C8orf89: variants seen among roughly 807,000 people sequenced by gnomAD.
C8orf89 encodes chromosome 8 open reading frame 89.
C8orf89 carries 14 observed loss-of-function variants against 15.8 expected under a neutral mutation model. The observed-to-expected ratio is 0.89, with a 90% CI of 0.59 to 1.39. The LOEUF is 1.39. Ranked by LOEUF, C8orf89 falls within the 40% of genes most tolerant of loss-of-function variation. The probability of loss-of-function intolerance (pLI) is 0.00; values close to 1 mark genes in which losing one functional copy is unlikely to be tolerated. For synonymous variants in C8orf89, 55 were observed against 62.2 expected (o/e 0.88, Z 0.54); for missense variants, 181 against 184.5 (o/e 0.98, Z 0.11).
At position 73,259,322 on chromosome 8, in the gene C8orf89, A is replaced by G. The variant is rs1380247955; in HGVS notation, c.127+10T>C. On this transcript the variant is annotated intron_variant, in intron 1 of 3. Coordinates refer to ENST00000624510, the MANE Select transcript of C8orf89 (RefSeq NM_001243237.3). ...TGTTTTCTTAAGGAAAATAATAACA[A>G]TAAAGTTACCTTTCTTAATCTTTTG... 3.1e-5 allele frequency: 46 copies of G among 1,472,266 alleles called. No individual in the cohort carries two copies. The highest frequency in any genetic ancestry group is 1.1e-4 in the Admixed American group (5 of 46,900). The allele number at this position is 1,472,266 out of a possible 1,614,324, so 91.2% of individuals were successfully genotyped here.
At chr8:73,272,817 A>T in the C8orf89 span, among the ~76,000 whole-genome samples, 2 of 152,154 alleles carry the variant, frequency 1.3e-5, no homozygotes, top group Non-Finnish European at 2.9e-5. Flanking sequence ...AATTTTTGTA[A>T]AGTGTAAATA....
the C8orf89 span, among the ~76,000 whole-genome samples, chr8:73,284,514 G>A: frequency 1.3e-5 from 2 of 151,742 alleles, no homozygotes; most frequent in Admixed American, 6.6e-5. Flanking sequence ...TGCCTGGCCC[G>A]CTCCATCATA....
At position 73,256,963 on chromosome 8, in the gene C8orf89, A is replaced by G. The variant is rs1813406155; in HGVS notation, c.281+10T>C. 4 of 1,527,498 alleles carry G rather than the reference A, an allele frequency of 2.6e-6. No homozygotes were observed. Among genetic ancestry groups the G allele is most frequent in the East Asian group, 2.5e-5 (1 of 40,730 alleles). 94.6% of individuals were successfully genotyped at this position (1,527,498 alleles called of 1,614,324 possible). The stretch of plus-strand genomic sequence containing the variant: ...ATTCAACAAATGAGAATTAAATAGC[A>G]ATGATCTACCTGACTGCAGACACCT... On this transcript the variant is annotated intron_variant, in intron 2 of 3. Transcript: ENST00000624510.
chr8:73,263,044 A>G (rs1421534523), upstream of C8orf89, among the ~76,000 whole-genome samples: 1 of 152,148 alleles, frequency 6.6e-6, no homozygotes, highest in Non-Finnish European at 1.5e-5. Context: ...GAGATAATAA[A>G]AAGAAGAAAG....
intron 3 of C8orf89, among the ~76,000 whole-genome samples, chr8:73,244,160 G>T (rs1373025444): frequency 1.3e-5 from 2 of 152,088 alleles, no homozygotes; most frequent in Non-Finnish European, 2.9e-5. Context: ...AAATAAAATC[G>T]TTCACTTAAC....
the C8orf89 span, chr8:73,278,009 C>A: frequency 1.1e-3 from 645 of 574,436 alleles, 3 homozygotes; most frequent in Non-Finnish European, 1.9e-3. Flanking sequence ...GGACCACATG[C>A]CCATGGTGAG....
At chr8:73,251,875 C>T (rs893228573) in intron 2 of C8orf89, among the ~76,000 whole-genome samples, 5 of 152,164 alleles carry the variant, frequency 3.3e-5, no homozygotes, top group Admixed American at 3.3e-4. Context: ...CACACTCCTA[C>T]CTCCTCCCCA....
intron 3 of C8orf89, among the ~76,000 whole-genome samples, chr8:73,244,081 C>T (rs1193473895): frequency 2.0e-5 from 3 of 152,046 alleles, no homozygotes; most frequent in Admixed American, 1.3e-4. Context: ...ATTTTACATG[C>T]CTATCAAGTT....
At chr8:73,242,063 T>C (rs1027904635) in intron 3 of C8orf89, among the ~76,000 whole-genome samples, 2 of 152,044 alleles carry the variant, frequency 1.3e-5, no homozygotes, top group African/African-American at 4.8e-5. Context: ...GGGGAAACTC[T>C]CCAGGACATG....
chr8:73,243,623 G>A (rs567663789), intron 3 of C8orf89, among the ~76,000 whole-genome samples: 46 of 152,142 alleles, frequency 3.0e-4, no homozygotes, highest in East Asian at 3.9e-4. Flanking sequence ...TCCACTTCCC[G>A]GGTTCAAGTG....
chr8:73,250,017 A>G (rs1813213000), intron 3 of C8orf89, among the ~76,000 whole-genome samples: 1 of 152,200 alleles, frequency 6.6e-6, no homozygotes, highest in Non-Finnish European at 1.5e-5. Context: ...ATTCAAAACA[A>G]GAAGACCAGT....
At chr8:73,265,657 A>G in the C8orf89 span, among the ~76,000 whole-genome samples, 2 of 152,200 alleles carry the variant, frequency 1.3e-5, no homozygotes, top group Non-Finnish European at 2.9e-5. Context: ...CTCCCATGCC[A>G]TTCTTCAAAG....
At chr8:73,248,437 C>T (rs908163195) in intron 3 of C8orf89, among the ~76,000 whole-genome samples, 5 of 151,938 alleles carry the variant, frequency 3.3e-5, no homozygotes, top group African/African-American at 1.2e-4. Flanking sequence ...TTTTTTGGTT[C>T]CATATGAATT....
At chr8:73,283,886 A>C in the C8orf89 span, among the ~76,000 whole-genome samples, 1 of 151,652 alleles carries the variant, frequency 6.6e-6, no homozygotes. Context: ...TTAAAAATAC[A>C]AAAAAAATTA....
At chr8:73,277,882 T>G in the C8orf89 span, 7 of 693,524 alleles carry the variant, frequency 1.0e-5, no homozygotes, top group East Asian at 3.1e-5. Context: ...TCTCCAGCAT[T>G]TTCAGGTCTA....
chr8:73,254,428 C>T (rs3929003), intron 2 of C8orf89, among the ~76,000 whole-genome samples: 10 of 152,130 alleles, frequency 6.6e-5, no homozygotes, highest in African/African-American at 2.2e-4. Flanking sequence ...GCTTTGGTAT[C>T]AGGATGATGC....
intron 3 of C8orf89, among the ~76,000 whole-genome samples, chr8:73,242,705 G>A (rs1247960867): frequency 6.6e-6 from 1 of 152,154 alleles, no homozygotes; most frequent in African/African-American, 2.4e-5. Context: ...CACTGTTAGT[G>A]GGAATGTAAA....
At chr8:73,250,766 G>A (rs1285701066) in intron 2 of C8orf89, among the ~76,000 whole-genome samples, 1 of 152,136 alleles carries the variant, frequency 6.6e-6, no homozygotes, top group Non-Finnish European at 1.5e-5. Context: ...TGAATCTGCT[G>A]TGGGTGAGAT....
the C8orf89 span, chr8:73,277,780 A>C: frequency 1.4e-5 from 10 of 736,500 alleles, no homozygotes; most frequent in Non-Finnish European, 2.6e-5. Context: ...GCTTCCCCTC[A>C]ACAGAGGAAA....
Sources: gnomAD v4.1 joint callset for allele counts (sites outside exome capture counted in the v4.1 genomes callset) on GRCh38, gnomAD v4.1.1 for gene constraint, MANE v1.5 for transcripts, NCBI Gene and HGNC (gene_info 2026-07-23, HGNC 2026-07-21) for gene names.